KCND2: variants seen among roughly 807,000 people sequenced by gnomAD.
KCND2 encodes the protein A-type voltage-gated potassium channel KCND2.
Under a neutral mutation model 54.4 loss-of-function variants are expected in KCND2, and 16 were observed. The observed-to-expected ratio is 0.29, with a 90% CI of 0.20 to 0.45. The LOEUF is 0.45. Ranked by LOEUF, KCND2 falls within the 20% of genes least tolerant of loss-of-function variation. KCND2 has a pLI of 1.00. For synonymous variants in KCND2, 317 were observed against 310.7 expected, an observed-to-expected ratio of 1.02 and a Z score of -0.21; for missense variants, 486 against 824.2, an observed-to-expected ratio of 0.59 and a Z score of 5.02.
At chr7:120,689,284 AT>A (rs1792241495) in intron 1 of KCND2, among the ~76,000 whole-genome samples, 1 of 152,174 alleles carries the variant, frequency 6.6e-6, no homozygotes, top group Non-Finnish European at 1.5e-5. Flanking sequence ...AAATAGTGGC[AT>A]TGTTTTCTTT....
chr7:120,565,055 C>T (rs1343542496), intron 1 of KCND2, among the ~76,000 whole-genome samples: 3 of 152,084 alleles, frequency 2.0e-5, no homozygotes, highest in African/African-American at 7.2e-5. Flanking sequence ...AATAGATTTT[C>T]TTAGATTTTA....
intron 1 of KCND2, among the ~76,000 whole-genome samples, chr7:120,730,548 G>A (rs557278554): frequency 7.9e-4 from 121 of 152,250 alleles, no homozygotes; most frequent in African/African-American, 2.8e-3. Context: ...AGGAGATCGT[G>A]TTTTATATGA....
chr7:120,523,215 GCTAAA>G (rs1791721832), intron 1 of KCND2, among the ~76,000 whole-genome samples: 1 of 152,096 alleles, frequency 6.6e-6, no homozygotes, highest in Non-Finnish European at 1.5e-5. Context: ...TTTCCTAGAA[GCTAAA>G]TGCTTTAACA....
At chr7:120,462,647 A>G (rs965243577) in intron 1 of KCND2, among the ~76,000 whole-genome samples, 3 of 152,004 alleles carry the variant, frequency 2.0e-5, no homozygotes, top group African/African-American at 7.2e-5. Context: ...CCTGAGCCCT[A>G]TCCCTTGGCT....
chr7:120,428,213 A>G (rs1488348710), intron 1 of KCND2, among the ~76,000 whole-genome samples: 1 of 152,248 alleles, frequency 6.6e-6, no homozygotes, highest in African/African-American at 2.4e-5. Context: ...AAGTCAACAC[A>G]TAACTACTTT....
chr7:120,577,616 C>T (rs779737883), intron 1 of KCND2, among the ~76,000 whole-genome samples: 36 of 152,172 alleles, frequency 2.4e-4, no homozygotes, highest in Non-Finnish European at 4.6e-4. Flanking sequence ...GATGGAGTCT[C>T]GCTTTGTCAC....
At chr7:120,352,127 G>A (rs1436809894) in intron 1 of KCND2, among the ~76,000 whole-genome samples, 2 of 150,998 alleles carry the variant, frequency 1.3e-5, no homozygotes, top group Admixed American at 6.6e-5. Flanking sequence ...TAGTGGAACT[G>A]GGGTTTCACC....
chr7:120,291,529 C>T (rs1044928459), intron 1 of KCND2, among the ~76,000 whole-genome samples: 3 of 151,834 alleles, frequency 2.0e-5, no homozygotes, highest in Non-Finnish European at 2.9e-5. Flanking sequence ...AACAAATGCA[C>T]GGTCATATAC....
At chr7:120,647,198 T>C (rs928576505) in intron 1 of KCND2, among the ~76,000 whole-genome samples, 1 of 152,248 alleles carries the variant, frequency 6.6e-6, no homozygotes, top group Non-Finnish European at 1.5e-5. Context: ...CAAAGGTCTA[T>C]GATTATAATA....
intron 1 of KCND2, among the ~76,000 whole-genome samples, chr7:120,567,944 G>A (rs184210854): frequency 1.9e-4 from 29 of 152,130 alleles, no homozygotes; most frequent in African/African-American, 6.0e-4. Context: ...CATCAATGAT[G>A]CATGTAATAT....
chr7:120,663,617 A>G (rs1310759523), intron 1 of KCND2, among the ~76,000 whole-genome samples: 1 of 152,202 alleles, frequency 6.6e-6, no homozygotes, highest in Non-Finnish European at 1.5e-5. Context: ...GATAACCAGT[A>G]CTAACCAATC....
intron 1 of KCND2, among the ~76,000 whole-genome samples, chr7:120,379,638 G>A (rs1337941786): frequency 6.6e-6 from 1 of 151,868 alleles, no homozygotes; most frequent in Non-Finnish European, 1.5e-5. Context: ...TCCTTGTTGA[G>A]TATAATGCAA....
chr7:120,372,600 T>A (rs1360713290), intron 1 of KCND2, among the ~76,000 whole-genome samples: 1 of 151,938 alleles, frequency 6.6e-6, no homozygotes, highest in East Asian at 1.9e-4. Flanking sequence ...TTGTAATGAT[T>A]TTCAGTTTTT....
At chr7:120,590,075 C>T (rs561528276) in intron 1 of KCND2, among the ~76,000 whole-genome samples, 6 of 152,134 alleles carry the variant, frequency 3.9e-5, no homozygotes, top group Admixed American at 1.3e-4. Context: ...AGTGCAATGG[C>T]GGCGAACTCG....
intron 1 of KCND2, among the ~76,000 whole-genome samples, chr7:120,422,085 T>C (rs1801634278): frequency 6.6e-6 from 1 of 152,094 alleles, no homozygotes; most frequent in Admixed American, 6.5e-5. Context: ...AGTGAAGGGG[T>C]GGATCCTCTC....
intron 1 of KCND2, among the ~76,000 whole-genome samples, chr7:120,633,064 C>T (rs912666838): frequency 2.6e-5 from 4 of 152,144 alleles, no homozygotes; most frequent in Admixed American, 6.6e-5. Context: ...TAATCACACA[C>T]GTAAAGCCCT....
At chr7:120,369,983 AG>A (rs1193490264) in intron 1 of KCND2, among the ~76,000 whole-genome samples, 2 of 152,040 alleles carry the variant, frequency 1.3e-5, no homozygotes, top group Non-Finnish European at 2.9e-5. Context: ...TGTGAGTCAT[AG>A]GGGCCAGAGT....
At chr7:120,376,867 T>A (rs1800841214) in intron 1 of KCND2, among the ~76,000 whole-genome samples, 1 of 151,946 alleles carries the variant, frequency 6.6e-6, no homozygotes, top group African/African-American at 2.4e-5. Flanking sequence ...CTAAATATTT[T>A]ATATTTGCTC....
intron 1 of KCND2, among the ~76,000 whole-genome samples, chr7:120,711,511 C>T (rs112736361): frequency 8.4e-4 from 128 of 152,132 alleles, no homozygotes; most frequent in African/African-American, 2.8e-3. Context: ...TAATATATTC[C>T]CTTATGAAAA....
Sources: gnomAD v4.1 joint callset for allele counts (sites outside exome capture counted in the v4.1 genomes callset) on GRCh38, gnomAD v4.1.1 for gene constraint, MANE v1.5 for transcripts, NCBI Gene and HGNC (gene_info 2026-07-23, HGNC 2026-07-21) for gene names.